The following GLI3 variants were observed in gnomAD, a reference collection of about 807,000 sequenced individuals.
The protein encoded by GLI3 is GLI family zinc finger 3.
GLI3 carries 20 observed loss-of-function variants against 100.8 expected under a neutral mutation model. The observed-to-expected ratio is 0.20, with a 90% CI of 0.14 to 0.29. GLI3 has a LOEUF of 0.29. Among genes scored for constraint, GLI3 ranks in the 10% least tolerant of loss-of-function variants. The pLI, the probability that GLI3 is intolerant of heterozygous loss-of-function variation, is 1.00. For synonymous variants in GLI3, 938 were observed against 860.5 expected (o/e 1.09, Z -1.58); for missense variants, 2,040 against 2,128.5 (o/e 0.96, Z 0.82).
intron 6 of GLI3, among the ~76,000 whole-genome samples, chr7:42,044,032 C>A (rs922371277): frequency 1.6e-4 from 25 of 152,258 alleles, no homozygotes; most frequent in African/African-American, 5.3e-4. Flanking sequence ...TGGAAACCAA[C>A]AGAATCTTGT....
chr7:41,965,204 C>T lies in GLI3; in HGVS notation c.3869G>A (p.Gly1290Glu), dbSNP rs771738131. The change falls in exon 15 of 15, where the codon GGG (glycine) becomes GAG (glutamate). Residue 1290 changes from glycine to glutamate, a missense_variant. By Grantham distance (98) the Gly-to-Glu change is moderately conservative. This residue lies in a region of GLI3 where 1,041 missense variants were observed against 924.0 expected (regional missense o/e 1.13). Transcript: ENST00000395925. Reference protein sequence around the residue: ...KLKSTPMQGSGGQLNFGLPVA... With the variant: ...KLKSTPMQGSEGQLNFGLPVA... ...CGGCAGGCCGAAATTCAGCTGGCCC[C>T]CGCTCCCTTGCATGGGGGTGCTCTT... 1.2e-6 allele frequency: 2 copies of T among 1,613,930 alleles called. No individual in the cohort carries two copies. The highest frequency in any genetic ancestry group is 1.1e-5 in the South Asian group (1 of 91,082).
At chr7:42,253,446 G>A (rs1251757807) in intron 1 of GLI3, among the ~76,000 whole-genome samples, 4 of 152,190 alleles carry the variant, frequency 2.6e-5, no homozygotes, top group African/African-American at 7.2e-5. Flanking sequence ...CCTTTGAGAA[G>A]CCCTGCACAA....
chr7:42,201,071 T>C (rs186396020), intron 2 of GLI3, among the ~76,000 whole-genome samples: 2 of 152,262 alleles, frequency 1.3e-5, no homozygotes, highest in African/African-American at 2.4e-5. Flanking sequence ...ATACACTAAG[T>C]TTTTTCTTAT....
chr7:42,120,305 G>A (rs552054014), intron 3 of GLI3, among the ~76,000 whole-genome samples: 2 of 152,248 alleles, frequency 1.3e-5, no homozygotes, highest in African/African-American at 4.8e-5. Flanking sequence ...TTTCTCTAAG[G>A]CCGGGAGTGA....
At chr7:42,125,470 G>A (rs1583578952) in intron 3 of GLI3, among the ~76,000 whole-genome samples, 2 of 152,086 alleles carry the variant, frequency 1.3e-5, no homozygotes, top group African/African-American at 2.4e-5. Flanking sequence ...CCCTTATCTC[G>A]GCTCCAGCGG....
At chr7:42,073,226 G>A (rs1443098399) in intron 4 of GLI3, among the ~76,000 whole-genome samples, 2 of 152,138 alleles carry the variant, frequency 1.3e-5, no homozygotes, top group Non-Finnish European at 2.9e-5. Context: ...ATCCATTCAA[G>A]TTTCTATACT....
intron 2 of GLI3, among the ~76,000 whole-genome samples, chr7:42,166,713 G>C (rs1221601200): frequency 7.3e-6 from 1 of 137,156 alleles, no homozygotes; most frequent in East Asian, 2.2e-4. Context: ...AGGCTGGAGT[G>C]CAGTGACACA....
intron 1 of GLI3, among the ~76,000 whole-genome samples, chr7:42,252,842 C>A (rs1455846184): frequency 6.6e-6 from 1 of 152,056 alleles, no homozygotes; most frequent in Admixed American, 6.6e-5. Flanking sequence ...TTTTTAATGT[C>A]CATCTTTTAA....
chr7:42,199,868 C>T (rs933910684), intron 2 of GLI3, among the ~76,000 whole-genome samples: 1 of 152,124 alleles, frequency 6.6e-6, no homozygotes, highest in African/African-American at 2.4e-5. Context: ...CCAGCCTGGC[C>T]TACATGGTGA....
intron 3 of GLI3, among the ~76,000 whole-genome samples, chr7:42,134,240 T>A (rs1320873418): frequency 6.6e-6 from 1 of 152,220 alleles, no homozygotes; most frequent in East Asian, 1.9e-4. Flanking sequence ...CAGTCTGATG[T>A]CTGCGCTCCC....
intron 2 of GLI3, among the ~76,000 whole-genome samples, chr7:42,202,941 A>G (rs1351259349): frequency 6.6e-6 from 1 of 152,168 alleles, no homozygotes; most frequent in Non-Finnish European, 1.5e-5. Flanking sequence ...CAATTCTTCT[A>G]TTCATATCAG....
intron 10 of GLI3, among the ~76,000 whole-genome samples, chr7:42,011,997 A>T (rs1261961854): frequency 2.0e-5 from 3 of 152,238 alleles, no homozygotes; most frequent in African/African-American, 7.2e-5. Context: ...CGGGGCCATC[A>T]TCTCTCCTCT....
intron 2 of GLI3, among the ~76,000 whole-genome samples, chr7:42,209,806 G>A (rs1224452616): frequency 6.8e-6 from 1 of 146,546 alleles, no homozygotes; most frequent in Non-Finnish European, 1.5e-5. Flanking sequence ...CCTAATCACT[G>A]AGAGGTTCTC....
chr7:42,173,163 T>C (rs901002177), intron 2 of GLI3, among the ~76,000 whole-genome samples: 24 of 152,212 alleles, frequency 1.6e-4, no homozygotes, highest in Non-Finnish European at 1.3e-4. Flanking sequence ...CCTGGCTGAC[T>C]TGGAGAGATG....
intron 3 of GLI3, among the ~76,000 whole-genome samples, chr7:42,086,615 T>C (rs982915675): frequency 1.1e-4 from 16 of 152,216 alleles, no homozygotes; most frequent in African/African-American, 3.6e-4. Context: ...TCATGGCTTA[T>C]GGTGTCCCCT....
chr7:42,255,661 A>C (rs149860710), intron 1 of GLI3, among the ~76,000 whole-genome samples: 1 of 152,292 alleles, frequency 6.6e-6, no homozygotes, highest in Admixed American at 6.5e-5. Flanking sequence ...TTCATTGCTG[A>C]AGAGCATTCC....
At chr7:42,230,108 G>GC (rs1450610445) in intron 1 of GLI3, among the ~76,000 whole-genome samples, 2 of 120,032 alleles carry the variant, frequency 1.7e-5, no homozygotes, top group African/African-American at 3.1e-5. Flanking sequence ...CGGGGGGGGG[G>GC]GGGGTGGAAA....
At chr7:42,246,562 C>T (rs1292354200) in intron 1 of GLI3, among the ~76,000 whole-genome samples, 1 of 152,022 alleles carries the variant, frequency 6.6e-6, no homozygotes, top group Non-Finnish European at 1.5e-5. Context: ...GAATGACTGG[C>T]CATATCATGA....
chr7:42,259,652 T>C (rs1789119810), intron 1 of GLI3, among the ~76,000 whole-genome samples: 1 of 152,192 alleles, frequency 6.6e-6, no homozygotes, highest in Non-Finnish European at 1.5e-5. Flanking sequence ...AAATTATTTG[T>C]GACCCCTCGT....
Sources: allele counts gnomAD v4.1 joint callset (sites outside exome capture counted in the v4.1 genomes callset), GRCh38; gene constraint gnomAD v4.1.1; regional missense constraint gnomAD v4.1.1; transcripts MANE v1.5; gene names NCBI Gene and HGNC (gene_info 2026-07-23, HGNC 2026-07-21).